Variants in KCNU1 observed in about 807,000 individuals in gnomAD.
KCNU1 encodes potassium calcium-activated channel subfamily U member 1.
A neutral mutation model predicts 126.8 loss-of-function variants in KCNU1; 93 were observed. That is an observed-to-expected ratio of 0.73 (90% confidence interval 0.62 to 0.87). KCNU1 has a LOEUF of 0.87. KCNU1 is among the 40% of genes least tolerant of loss of function. The probability of loss-of-function intolerance (pLI) is 0.00; values close to 1 mark genes in which losing one functional copy is unlikely to be tolerated. For missense variants in KCNU1, 1,330 were observed against 1,367.1 expected, an observed-to-expected ratio of 0.97 and a Z score of 0.43; for synonymous variants, 523 against 494.2, an observed-to-expected ratio of 1.06 and a Z score of -0.77.
chr8:36,841,759 C>T (rs1485956510), intron 16 of KCNU1, among the ~76,000 whole-genome samples: 1 of 152,030 alleles, frequency 6.6e-6, no homozygotes, highest in African/African-American at 2.4e-5. Context: ...GACCAGCCGA[C>T]CGGACAAAGG....
At chr8:36,932,811 G>A in intron 25 of KCNU1, 109 bp from the exon 26 acceptor site, 2 of 661,450 alleles carry the variant, frequency 3.0e-6, no homozygotes, top group Middle Eastern at 5.0e-4. Flanking sequence ...ATTAGGAAAT[G>A]GCTTTCCAAG....
At chr8:36,839,167 G>T (rs746979973) in intron 14 of KCNU1, among the ~76,000 whole-genome samples, 1 of 152,154 alleles carries the variant, frequency 6.6e-6, no homozygotes, top group African/African-American at 2.4e-5. Flanking sequence ...TGATCATATT[G>T]TGAGAAATTG....
At chr8:36,931,889 G>A (rs2117616458) in intron 25 of KCNU1, among the ~76,000 whole-genome samples, 1 of 152,104 alleles carries the variant, frequency 6.6e-6, no homozygotes, top group East Asian at 1.9e-4. Flanking sequence ...ATTCTAACAG[G>A]GCATCCAGGC....
intron 24 of KCNU1, among the ~76,000 whole-genome samples, chr8:36,924,985 C>T (rs1452791818): frequency 6.6e-6 from 1 of 152,132 alleles, no homozygotes; most frequent in South Asian, 2.1e-4. Flanking sequence ...AATGAACACA[C>T]AATCACAAGC....
intron 19 of KCNU1, among the ~76,000 whole-genome samples, chr8:36,891,843 C>G (rs551894342): frequency 2.0e-5 from 3 of 152,136 alleles, no homozygotes; most frequent in African/African-American, 7.2e-5. Flanking sequence ...TATTAAGGAT[C>G]CCTTGTAGAT....
chr8:36,813,951 T>C (rs1281958821), intron 7 of KCNU1, among the ~76,000 whole-genome samples: 1 of 152,126 alleles, frequency 6.6e-6, no homozygotes, highest in Non-Finnish European at 1.5e-5. Context: ...GGTGGAGCTT[T>C]TCAAATGCTG....
intron 13 of KCNU1, 54 bp downstream of exon 13, chr8:36,836,419 C>G: frequency 8.1e-7 from 1 of 1,234,998 alleles, no homozygotes; most frequent in Non-Finnish European, 1.2e-6. Context: ...TATAGCTAGA[C>G]GAACTTTTTA....
At chr8:36,866,749 G>T (rs1273876902) in intron 19 of KCNU1, among the ~76,000 whole-genome samples, 1 of 152,056 alleles carries the variant, frequency 6.6e-6, no homozygotes, top group Non-Finnish European at 1.5e-5. Context: ...GAACAAGATG[G>T]ATTCACATAA....
chr8:36,863,344 T>G (rs1410935218), intron 18 of KCNU1, among the ~76,000 whole-genome samples: 1 of 152,160 alleles, frequency 6.6e-6, no homozygotes, highest in Non-Finnish European at 1.5e-5. Context: ...AATGCTTATG[T>G]TGAGACAGTA....
At chr8:36,928,816 T>G (rs1230162405) in intron 24 of KCNU1, 1 of 542,128 alleles carries the variant, frequency 1.8e-6, no homozygotes, top group Non-Finnish European at 3.3e-6. Flanking sequence ...GAAGTATTGC[T>G]CAGTCTGATC....
intron 22 of KCNU1, 69 bp downstream of exon 22, chr8:36,911,188 T>G: frequency 7.9e-7 from 1 of 1,267,502 alleles, no homozygotes; most frequent in Non-Finnish European, 1.1e-6. Context: ...AACTCCTCTT[T>G]GAAGTATTTT....
At chr8:36,831,227 A>G (rs1309205485) in intron 10 of KCNU1, among the ~76,000 whole-genome samples, 2 of 151,958 alleles carry the variant, frequency 1.3e-5, no homozygotes, top group Non-Finnish European at 2.9e-5. Context: ...ATACGTGTGC[A>G]TGTGTCTTTA....
intron 18 of KCNU1, among the ~76,000 whole-genome samples, chr8:36,850,403 C>T (rs10107777): frequency 0.4 from 61,105 of 151,414 alleles, 12,422 homozygotes; most frequent in Admixed American, 0.45. Flanking sequence ...CAAGATTTAC[C>T]CCAAAACTTT....
chr8:36,800,873 T>C (rs1338904081), intron 2 of KCNU1, among the ~76,000 whole-genome samples: 1 of 152,196 alleles, frequency 6.6e-6, no homozygotes, highest in Admixed American at 6.5e-5. Flanking sequence ...TTCAGCAACG[T>C]GCTTCAGCAA....
chr8:36,830,848 G>T (rs931308020), intron 10 of KCNU1, among the ~76,000 whole-genome samples: 6 of 151,244 alleles, frequency 4.0e-5, no homozygotes, highest in African/African-American at 1.5e-4. Flanking sequence ...ATGCTGGTGC[G>T]CTGCACCCAC....
rs80111679 is a variant in KCNU1, at chr8:36,818,589, C to T, written c.1106+829C>T. 4.6e-5 allele frequency among the ~76,000 whole-genome samples: 7 copies of T among 152,250 alleles called. 1 individual carries two copies. The East Asian group carries it at 1.3e-3, about 29-fold the overall frequency. ...TTTAAGATCCATGGAATTGCTTTTG[C>T]CTGATGTGTAGAGAATTAACTTCTT... is the stretch of plus-strand genomic sequence containing the variant. On this transcript the variant is annotated intron_variant, in intron 10 of 26. Coordinates refer to ENST00000399881, the MANE Select transcript of KCNU1 (RefSeq NM_001031836.3).
rs1207027115 is a variant in KCNU1 at position 36,845,646 on chromosome 8, T to A, written c.1770T>A (p.Ala590=). The A allele has an allele frequency of 6.2e-7, 1 of 1,609,262 alleles. No homozygotes were observed. The highest frequency in any genetic ancestry group is 2.2e-5 in the East Asian group (1 of 44,806). The part of the protein sequence containing the change: ...IRKNTLGFFI[A]ETPKDVRRAL... ...AGAACACATTAGGGTTCTTTATTGC[T>A]GAAACTCCAAAGGACGTCAGAAGGT... The change falls in exon 17 of 27, where the codon GCT becomes GCA. Residue 590 remains alanine, a synonymous_variant. Coordinates refer to ENST00000399881, the MANE Select transcript of KCNU1 (RefSeq NM_001031836.3).
chr8:36,859,105 A>G (rs1805638101), intron 18 of KCNU1, among the ~76,000 whole-genome samples: 1 of 152,134 alleles, frequency 6.6e-6, no homozygotes, highest in Non-Finnish European at 1.5e-5. Context: ...CTCACAGGTC[A>G]ATGGCTTGGT....
At chr8:36,931,647 A>G (rs1808706297) in intron 25 of KCNU1, among the ~76,000 whole-genome samples, 2 of 152,098 alleles carry the variant, frequency 1.3e-5, no homozygotes, top group South Asian at 4.1e-4. Flanking sequence ...ATTGTCAATC[A>G]GTGTCAGAGC....
Sources: gnomAD v4.1 joint callset for allele counts (sites outside exome capture counted in the v4.1 genomes callset) on GRCh38, gnomAD v4.1.1 for gene constraint, MANE v1.5 for transcripts, NCBI Gene and HGNC (gene_info 2026-07-23, HGNC 2026-07-21) for gene names.